Variants in CHD2 observed in about 807,000 individuals in gnomAD.
CHD2 encodes the protein chromodomain helicase DNA binding protein 2, also known as ATP-dependent chromatin remodeler CHD2.
Under a neutral mutation model 243.9 loss-of-function variants are expected in CHD2, and 28 were observed. The observed-to-expected ratio is 0.11, with a 90% CI of 0.09 to 0.16. CHD2 has a LOEUF of 0.16. Ranked by LOEUF, CHD2 falls within the 10% of genes least tolerant of loss-of-function variation. CHD2 has a pLI of 1.00. For synonymous variants in CHD2, 775 were observed against 779.0 expected (o/e 0.99, Z 0.09); for missense variants, 1,386 against 2,209.8 (o/e 0.63, Z 7.47).
rs776113114 is a variant in CHD2 at position 93,009,231 on chromosome 15, A to T, written c.4500A>T (p.Glu1500Asp). 37 of 1,614,234 alleles carry T rather than the reference A, an allele frequency of 2.3e-5. No individual in the cohort carries two copies. In the South Asian group the frequency reaches 4.1e-4, roughly 18 times the overall value. ...GGCTCAACGTGCAAGAACAGCTGGAACACACCCGGAACTGCCTGCTGAAAA... is the reference window on the plus strand; with the variant it reads ...GGCTCAACGTGCAAGAACAGCTGGATCACACCCGGAACTGCCTGCTGAAAA... ...DKGLNVQEQLEHTRNCLLKIG... is the reference protein window; with the variant it reads ...DKGLNVQEQLDHTRNCLLKIG... The change falls in exon 35 of 39, where the codon GAA becomes GAT. Residue 1500 changes from glutamate (E) to aspartate (D), a missense_variant. By Grantham distance (45) the Glu-to-Asp change is conservative. Around this residue, in one of 19 missense-constraint regions of CHD2, gnomAD observed 42 missense variants for 47.6 expected, o/e 0.88. Coordinates refer to ENST00000394196, the MANE Select transcript of CHD2 (RefSeq NM_001271.4).
At chr15:92,975,926 A>C (rs944029504) in intron 20 of CHD2, among the ~76,000 whole-genome samples, 1 of 152,228 alleles carries the variant, frequency 6.6e-6, no homozygotes, top group African/African-American at 2.4e-5. Flanking sequence ...TCGGTCATCA[A>C]CTAATTCCCA....
chr15:92,940,648 C>T (rs1275407688), intron 7 of CHD2, among the ~76,000 whole-genome samples: 1 of 150,830 alleles, frequency 6.6e-6, no homozygotes, highest in Non-Finnish European at 1.5e-5. Flanking sequence ...TTTGAGTATG[C>T]TAGTGTATAG....
chr15:92,902,596 T>A (rs1290892979), intron 2 of CHD2: 1 of 155,258 alleles, frequency 6.4e-6, no homozygotes, highest in Admixed American at 6.5e-5. Context: ...TTACCAAATT[T>A]TTTTGCATTG....
chr15:93,005,544 G>T (rs1276412485), intron 34 of CHD2, among the ~76,000 whole-genome samples: 3 of 152,238 alleles, frequency 2.0e-5, no homozygotes, highest in South Asian at 4.1e-4. Context: ...GAAAGAAAAA[G>T]CGGTTTTCTT....
At chr15:92,926,904 C>T (rs1164765258) in intron 3 of CHD2, among the ~76,000 whole-genome samples, 1 of 152,122 alleles carries the variant, frequency 6.6e-6, no homozygotes, top group East Asian at 1.9e-4. Flanking sequence ...AAACTCAAAG[C>T]AGTAGGGAAT....
intron 13 of CHD2, among the ~76,000 whole-genome samples, chr15:92,949,457 G>T (rs888425952): frequency 1.3e-5 from 2 of 152,198 alleles, no homozygotes; most frequent in South Asian, 4.1e-4. Flanking sequence ...TTCTTTCTAG[G>T]CCAGGGAAGC....
intron 34 of CHD2, 107 bp downstream of exon 34, chr15:93,004,858 A>G (rs2054300279): frequency 1.7e-6 from 2 of 1,172,346 alleles, no homozygotes; most frequent in Admixed American, 2.5e-5. Flanking sequence ...GCAATAGTAC[A>G]TTACTTGGGA....
intron 34 of CHD2, among the ~76,000 whole-genome samples, chr15:93,008,074 A>G (rs370306809): frequency 6.6e-6 from 1 of 152,216 alleles, no homozygotes; most frequent in African/African-American, 2.4e-5. Context: ...ATGTAGCAGA[A>G]ACTTCTGACA....
chr15:93,006,869 A>C (rs752963487), intron 34 of CHD2, among the ~76,000 whole-genome samples: 1 of 152,226 alleles, frequency 6.6e-6, no homozygotes, highest in Non-Finnish European at 1.5e-5. Flanking sequence ...AGATTTATCT[A>C]TATTAATAAT....
chr15:93,002,887 C>T (rs2054274983), intron 33 of CHD2, among the ~76,000 whole-genome samples: 1 of 152,096 alleles, frequency 6.6e-6, no homozygotes, highest in Non-Finnish European at 1.5e-5. Flanking sequence ...ATTCTAATAT[C>T]CAGTTGATAA....
At chr15:92,993,261 G>A (rs1385283843) in intron 28 of CHD2, 3 of 353,364 alleles carry the variant, frequency 8.5e-6, no homozygotes, top group Admixed American at 4.1e-5. Flanking sequence ...GTTTAAATTC[G>A]TCGGAGTGAT....
chr15:92,980,623 C>T (rs962777778), intron 22 of CHD2, among the ~76,000 whole-genome samples, 192 bp from the exon 23 acceptor site: 3 of 152,186 alleles, frequency 2.0e-5, no homozygotes, highest in African/African-American at 7.2e-5. Context: ...ATTTTCTATT[C>T]TGCTGGTTTA....
In CHD2 at chr15:92,956,604, C is replaced by G. The variant is rs1317935390; in HGVS notation, c.1955C>G (p.Ser652Cys). The G allele has an allele frequency of 1.2e-6, 2 of 1,613,820 alleles. No individual in the cohort carries two copies. The highest frequency in any genetic ancestry group is 2.7e-5 in the African/African-American group (2 of 74,906). ...LLITGTPLQN[S>C]LKELWSLLHF... ...ATTACGGGGACCCCTCTTCAGAATTCCCTCAAAGAGCTCTGGTCCTTGCTG... is the reference window on the plus strand; with the variant it reads ...ATTACGGGGACCCCTCTTCAGAATTGCCTCAAAGAGCTCTGGTCCTTGCTG... Residue 652 changes from serine (S) to cysteine (C), a missense_variant, in exon 16 of 39, where the codon TCC (serine) becomes TGC (cysteine). Around this residue, in one of 19 missense-constraint regions of CHD2, gnomAD observed 118 missense variants for 266.3 expected, o/e 0.44. Coordinates refer to ENST00000394196, the MANE Select transcript of CHD2 (RefSeq NM_001271.4).
Position 92,997,189 on chromosome 15 carries a change from CT to C in CHD2, c.3735-63del, listed in dbSNP as rs1191588695. 8.7e-6 allele frequency: 14 copies of C among 1,606,758 alleles called. No individual in the cohort carries two copies. Among genetic ancestry groups the C allele is most frequent in the Admixed American group, 1.7e-5 (1 of 58,492 alleles). ...TGTAGTTCCATAGTATTTTTACTGT[CT>C]CTTCTTTAACATACCAAAAAGGCCC... On this transcript the variant is annotated intron_variant, in intron 29 of 38. Transcript: ENST00000394196. This position sits in a 1 kb window ranked among gnomAD's most constrained non-coding sequence, Gnocchi z 4.1.
At chr15:92,961,090 G>A (rs1451931726) in intron 16 of CHD2, among the ~76,000 whole-genome samples, 4 of 152,030 alleles carry the variant, frequency 2.6e-5, no homozygotes, top group African/African-American at 4.8e-5. Context: ...TGATGTTTAC[G>A]TTGCTTTGGT....
chr15:92,908,657 A>C (rs924068116), intron 2 of CHD2, among the ~76,000 whole-genome samples: 2 of 152,150 alleles, frequency 1.3e-5, no homozygotes, highest in Admixed American at 6.5e-5. Flanking sequence ...TGGTCTTTCC[A>C]TTGCCTGTCC....
intron 2 of CHD2, among the ~76,000 whole-genome samples, chr15:92,918,072 G>A (rs1183495014): frequency 1.3e-5 from 2 of 152,166 alleles, no homozygotes; most frequent in Non-Finnish European, 2.9e-5. Context: ...TTTTGGGCGG[G>A]GCTCCCACAG....
chr15:93,023,324 C>G (rs2054555118), intron 38 of CHD2, among the ~76,000 whole-genome samples: 1 of 152,188 alleles, frequency 6.6e-6, no homozygotes, highest in Non-Finnish European at 1.5e-5. Context: ...ATAATGTTTT[C>G]AAGGTTCATT....
chr15:93,009,989 T>C (rs1431989686), intron 35 of CHD2, among the ~76,000 whole-genome samples: 1 of 152,206 alleles, frequency 6.6e-6, no homozygotes, highest in Non-Finnish European at 1.5e-5. Flanking sequence ...ACCCGAGCAG[T>C]GCACACTGCA....
Sources: gnomAD v4.1 joint callset for allele counts (sites outside exome capture counted in the v4.1 genomes callset) on GRCh38, gnomAD v4.1.1 for gene constraint, gnomAD v4.1.1 regional missense constraint, Gnocchi (gnomAD v3.1) non-coding constraint, MANE v1.5 for transcripts, NCBI Gene and HGNC (gene_info 2026-07-23, HGNC 2026-07-21) for gene names.